CLIP4: variants seen among roughly 807,000 people sequenced by gnomAD.
The protein encoded by CLIP4 is CAP-Gly domain-containing linker protein 4.
CLIP4 carries 47 observed loss-of-function variants against 73.1 expected under a neutral mutation model. That is an observed-to-expected ratio of 0.64 (90% CI 0.51 to 0.82). The LOEUF (loss-of-function observed/expected upper bound fraction) is 0.82. Ranked by LOEUF, CLIP4 falls within the 40% of genes least tolerant of loss-of-function variation. The pLI is 0.00. For missense variants in CLIP4, 874 were observed against 852.9 expected, an observed-to-expected ratio of 1.02 and a Z score of -0.31; for synonymous variants, 306 against 295.4, an observed-to-expected ratio of 1.04 and a Z score of -0.37.
At chr2:29,154,542 G>A (rs748995872) in intron 9 of CLIP4, among the ~76,000 whole-genome samples, 12 of 152,150 alleles carry the variant, frequency 7.9e-5, no homozygotes, top group Admixed American at 1.3e-4. Flanking sequence ...GGCACAATCA[G>A]TCTCAGGATT....
chr2:29,101,225 G>A (rs1668033708), intron 1 of CLIP4, among the ~76,000 whole-genome samples: 1 of 150,808 alleles, frequency 6.6e-6, no homozygotes, highest in Non-Finnish European at 1.5e-5. Context: ...AGGAGGCAGA[G>A]GTTGCAGTGA....
At chr2:29,156,970 C>T (rs3112919) in intron 10 of CLIP4, among the ~76,000 whole-genome samples, 134,675 of 152,180 alleles carry the variant, frequency 0.88, 59,735 homozygotes, top group Non-Finnish European at 0.91. Context: ...ATACCTCTTA[C>T]ATAAGATTGT....
chr2:29,144,575 T>C (rs956066485), intron 7 of CLIP4, among the ~76,000 whole-genome samples: 2 of 152,082 alleles, frequency 1.3e-5, no homozygotes, highest in Non-Finnish European at 2.9e-5. Flanking sequence ...CTGGAATACA[T>C]GCACAGAACA....
chr2:29,098,603 C>T (rs1352154039), intron 1 of CLIP4, among the ~76,000 whole-genome samples: 1 of 152,184 alleles, frequency 6.6e-6, no homozygotes, highest in African/African-American at 2.4e-5. Context: ...TTTGTTTATC[C>T]ATTCACTTAC....
At chr2:29,139,329 CT>C (rs953420718) in intron 6 of CLIP4, among the ~76,000 whole-genome samples, 1 of 151,856 alleles carries the variant, frequency 6.6e-6, no homozygotes, top group Non-Finnish European at 1.5e-5. Flanking sequence ...GTTGAACCTC[CT>C]TGCATGACTT....
chr2:29,107,374 T>G (rs867578837), intron 1 of CLIP4, among the ~76,000 whole-genome samples: 12,157 of 122,348 alleles, frequency 0.099, 906 homozygotes, highest in African/African-American at 0.13. Flanking sequence ...TTTTTTTTTT[T>G]TTTTTTTTTT....
At chr2:29,143,998 A>G (rs1665973319) in intron 7 of CLIP4, 53 bp downstream of exon 7, 4 of 1,437,358 alleles carry the variant, frequency 2.8e-6, no homozygotes, top group East Asian at 2.4e-5. Flanking sequence ...TCCATGACCT[A>G]TGTTCAAGGA....
intron 2 of CLIP4, among the ~76,000 whole-genome samples, chr2:29,124,053 T>C (rs1489147301): frequency 6.6e-6 from 1 of 152,182 alleles, no homozygotes; most frequent in Non-Finnish European, 1.5e-5. Context: ...TATAAAAAAA[T>C]CTCATTTACC....
At chr2:29,149,136 G>A (rs1047364212) in intron 8 of CLIP4, among the ~76,000 whole-genome samples, 4 of 152,182 alleles carry the variant, frequency 2.6e-5, no homozygotes, top group Non-Finnish European at 5.9e-5. Flanking sequence ...TAAACGGGCA[G>A]CCATAGGCAG....
Position 29,143,849 on chromosome 2 carries a change from G to C in CLIP4, c.789G>C (p.Lys263Asn), listed in dbSNP as rs1452461794. ...DAVPLSCNIS[K>N]AMLPNYDHVT... ...TGCCTCTGTCATGTAACATCTCAAA[G>C]GCCATGCTCCCAAATTATGATCATG... The change falls in exon 7 of 16, where the codon AAG (lysine) becomes AAC (asparagine). Residue 263 changes from lysine to asparagine, a missense_variant. By Grantham distance (94) the Lys-to-Asn change is moderately conservative. Coordinates refer to ENST00000320081, the MANE Select transcript of CLIP4 (RefSeq NM_024692.6). 5 of 1,614,032 alleles carry C rather than the reference G, an allele frequency of 3.1e-6. No individual in the cohort carries two copies. The African/African-American group carries it at 6.7e-5, about 22-fold the overall frequency.
At chr2:29,160,130 G>A (rs1454644714) in intron 11 of CLIP4, among the ~76,000 whole-genome samples, 1 of 152,178 alleles carries the variant, frequency 6.6e-6, no homozygotes, top group Non-Finnish European at 1.5e-5. Context: ...CATTTCCTTT[G>A]AGCAGCTTGA....
intron 13 of CLIP4, among the ~76,000 whole-genome samples, chr2:29,165,255 T>C (rs1667531037): frequency 1.2e-5 from 1 of 81,112 alleles, no homozygotes; most frequent in Admixed American, 1.6e-4. Context: ...TTGTTCTTTC[T>C]TTCTTTCTTT....
upstream of CLIP4, among the ~76,000 whole-genome samples, chr2:29,111,868 A>C (rs192360837): frequency 3.2e-4 from 48 of 152,282 alleles, no homozygotes; most frequent in East Asian, 7.5e-3. Context: ...CCTAACCCAC[A>C]TTATAGAGAT....
At chr2:29,126,957 G>A (rs1027628189) in intron 2 of CLIP4, among the ~76,000 whole-genome samples, 2 of 152,120 alleles carry the variant, frequency 1.3e-5, no homozygotes, top group African/African-American at 2.4e-5. Flanking sequence ...ACAATAAACA[G>A]GACTAGAATC....
intron 9 of CLIP4, 52 bp downstream of exon 9, chr2:29,152,880 G>T: frequency 1.3e-6 from 2 of 1,580,794 alleles, no homozygotes; most frequent in South Asian, 1.2e-5. Flanking sequence ...AATTTTATTT[G>T]TAGAATTCCT....
intron 6 of CLIP4, among the ~76,000 whole-genome samples, chr2:29,142,245 A>G (rs927499683): frequency 5.3e-5 from 8 of 152,048 alleles, no homozygotes; most frequent in Non-Finnish European, 1.2e-4. Context: ...TTGATCATGA[A>G]TAAGCCTTCT....
intron 1 of CLIP4, among the ~76,000 whole-genome samples, chr2:29,101,509 A>G (rs868212263): frequency 2.6e-5 from 4 of 152,004 alleles, no homozygotes; most frequent in African/African-American, 4.8e-5. Context: ...TAGCCTTTCA[A>G]TGTTCTTCTG....
chr2:29,101,276 T>C (rs962694083), intron 1 of CLIP4, among the ~76,000 whole-genome samples: 5 of 122,914 alleles, frequency 4.1e-5, no homozygotes, highest in African/African-American at 1.6e-4. Flanking sequence ...GGCAACAGGC[T>C]TTTTTTTTTT....
chr2:29,110,090 C>T (rs957270475), intron 1 of CLIP4, among the ~76,000 whole-genome samples: 7 of 152,046 alleles, frequency 4.6e-5, no homozygotes, highest in Non-Finnish European at 1.0e-4. Context: ...CATAGAATAG[C>T]ATGAAACTAA....
Sources: gnomAD v4.1 joint callset for allele counts (sites outside exome capture counted in the v4.1 genomes callset) on GRCh38, gnomAD v4.1.1 for gene constraint, MANE v1.5 for transcripts, NCBI Gene and HGNC (gene_info 2026-07-23, HGNC 2026-07-21) for gene names.